The following PTPN14 variants were observed in gnomAD, a reference collection of about 807,000 sequenced individuals.
PTPN14 encodes tyrosine-protein phosphatase non-receptor type 14.
A neutral mutation model predicts 126.8 loss-of-function variants in PTPN14; 53 were observed. The observed-to-expected ratio is 0.42, with a 90% confidence interval of 0.34 to 0.53. PTPN14 has a LOEUF of 0.53. Ranked by LOEUF, PTPN14 falls within the 20% of genes least tolerant of loss-of-function variation. The pLI is 0.08. For synonymous variants in PTPN14, 630 were observed against 599.3 expected, an observed-to-expected ratio of 1.05 and a Z score of -0.75; for missense variants, 1,257 against 1,552.9, an observed-to-expected ratio of 0.81 and a Z score of 3.20.
In PTPN14 at chr1:214,464,762, G is replaced by A. The variant is rs777898414; in HGVS notation, c.42C>T (p.Asn14=). The change falls in exon 2 of 19, where the codon AAC becomes AAT. Residue 14 remains asparagine, a synonymous_variant. Coordinates refer to ENST00000366956, the MANE Select transcript of PTPN14 (RefSeq NM_005401.5). ...GLKLRRTRRY[N]VLSKNCFVTR... is the part of the protein sequence containing the mutation. ...TGACAAAGCAGTTCTTGCTCAGGAC[G>A]TTGTAGCGCCGTGTCCGGCGGAGCT... The A allele has an allele frequency of 7.4e-6, 12 of 1,614,182 alleles. No homozygotes were observed. Among genetic ancestry groups the A allele is most frequent in the Middle Eastern group, 1.6e-4 (1 of 6,084 alleles).
intron 1 of PTPN14, among the ~76,000 whole-genome samples, chr1:214,473,307 GAA>G (rs1660801340): frequency 6.6e-6 from 1 of 152,204 alleles, no homozygotes. Context: ...CCTCTTTATT[GAA>G]TTACCAGCAC....
chr1:214,479,087 T>G (rs969774948), intron 1 of PTPN14, among the ~76,000 whole-genome samples: 5 of 151,910 alleles, frequency 3.3e-5, no homozygotes, highest in African/African-American at 1.2e-4. Context: ...GGCTCATGCC[T>G]GTAATCTTGG....
At chr1:214,495,305 A>G (rs1190355408) in intron 1 of PTPN14, among the ~76,000 whole-genome samples, 3 of 152,238 alleles carry the variant, frequency 2.0e-5, no homozygotes, top group Non-Finnish European at 4.4e-5. Context: ...GATAATGTAT[A>G]TAAAGCACTA....
intron 17 of PTPN14, 81 bp downstream of exon 17, chr1:214,369,376 C>G (rs1459318786): frequency 2.9e-5 from 38 of 1,333,188 alleles, no homozygotes; most frequent in Non-Finnish European, 3.7e-5. Flanking sequence ...TCCTCTTTTT[C>G]CATTTCATCT....
At chr1:214,520,326 T>C (rs1481843276) in intron 1 of PTPN14, among the ~76,000 whole-genome samples, 1 of 151,988 alleles carries the variant, frequency 6.6e-6, no homozygotes, top group Non-Finnish European at 1.5e-5. Context: ...ACAATAAAAA[T>C]GACGAAACTG....
chr1:214,426,063 GGAA>G (rs1190049012), intron 3 of PTPN14, among the ~76,000 whole-genome samples: 1 of 137,114 alleles, frequency 7.3e-6, no homozygotes, highest in Non-Finnish European at 1.6e-5. Flanking sequence ...AAAAAAGGAA[GGAA>G]GAAGAGAAAA....
At chr1:214,421,929 C>T (rs1352807001) in intron 3 of PTPN14, among the ~76,000 whole-genome samples, 3 of 152,124 alleles carry the variant, frequency 2.0e-5, no homozygotes, top group Non-Finnish European at 4.4e-5. Flanking sequence ...CTTTCACATC[C>T]GCCACTATAC....
At chr1:214,424,975 T>C (rs1461799386) in intron 3 of PTPN14, among the ~76,000 whole-genome samples, 2 of 152,066 alleles carry the variant, frequency 1.3e-5, no homozygotes, top group Non-Finnish European at 2.9e-5. Context: ...GTTTTTTTTT[T>C]AGTAGAGGCA....
At chr1:214,374,943 T>C (rs1431991658) in intron 15 of PTPN14, among the ~76,000 whole-genome samples, 1 of 152,230 alleles carries the variant, frequency 6.6e-6, no homozygotes, top group Non-Finnish European at 1.5e-5. Context: ...TGCATCTTTG[T>C]TGGAATACAT....
At chr1:214,471,901 C>T (rs1660768040) in intron 1 of PTPN14, among the ~76,000 whole-genome samples, 3 of 152,058 alleles carry the variant, frequency 2.0e-5, no homozygotes, top group African/African-American at 7.2e-5. Flanking sequence ...CTTTTTTTCC[C>T]CAGGGGAAAT....
chr1:214,355,474 TTA>T lies in PTPN14; in HGVS notation c.*2446_*2447del, dbSNP rs1282784499. 6.6e-6 allele frequency: 1 copy of T among 152,254 alleles called. No homozygotes were observed. The highest frequency in any genetic ancestry group is 1.5e-5 in the Non-Finnish European group (1 of 68,042). 9.4% of individuals were successfully genotyped at this position (152,254 alleles called of 1,614,324 possible). On this transcript the variant is annotated 3_prime_UTR_variant, in exon 19 of 19. Coordinates refer to ENST00000366956, the MANE Select transcript of PTPN14 (RefSeq NM_005401.5). ...GGAAAGGAAACAAGTATCTTTTTGC[TTA>T]TTGATGAGCTTCTTATAATAAGGGT...
intron 13 of PTPN14, among the ~76,000 whole-genome samples, chr1:214,379,418 T>A (rs1658421912): frequency 6.6e-6 from 1 of 152,114 alleles, no homozygotes. Flanking sequence ...TCACCTACAA[T>A]CAGAATGAAG....
intron 1 of PTPN14, among the ~76,000 whole-genome samples, chr1:214,511,103 A>G (rs540995824): frequency 5.1e-4 from 77 of 151,702 alleles, no homozygotes; most frequent in Middle Eastern, 6.8e-3. Context: ...GCCCAAGCTG[A>G]TCTCAAACTC....
chr1:214,488,855 C>T (rs934160860), intron 1 of PTPN14, among the ~76,000 whole-genome samples: 3 of 152,216 alleles, frequency 2.0e-5, no homozygotes, highest in African/African-American at 7.2e-5. Flanking sequence ...CCATCACAAG[C>T]ACAGACATCA....
chr1:214,516,075 ACACCTC>A (rs1336800998), intron 1 of PTPN14, among the ~76,000 whole-genome samples: 1 of 152,202 alleles, frequency 6.6e-6, no homozygotes, highest in Non-Finnish European at 1.5e-5. Flanking sequence ...AGCAGGAAGT[ACACCTC>A]CACCTCACCC....
chr1:214,546,150 A>C (rs1417210410), intron 1 of PTPN14, among the ~76,000 whole-genome samples: 1 of 152,186 alleles, frequency 6.6e-6, no homozygotes, highest in Admixed American at 6.5e-5. Flanking sequence ...GTGCTTCTCA[A>C]AATGCAGTTG....
rs1571945181 is a variant in PTPN14 at position 214,354,279 on chromosome 1, A to T, written c.*3643T>A. 2.0e-5 allele frequency: 3 copies of T among 152,298 alleles called. No individual in the cohort carries two copies. The highest frequency in any genetic ancestry group is 2.0e-4 in the Admixed American group (3 of 15,300). The allele number at this position is 152,298 out of a possible 1,614,324, so 9.4% of individuals were successfully genotyped here. ...AATTCTCTCAATTTAAGCTCCTCAAAAGCTTACGATTCAAAATATTCCACA... is the reference window on the plus strand; with the variant it reads ...AATTCTCTCAATTTAAGCTCCTCAATAGCTTACGATTCAAAATATTCCACA... On this transcript the variant is annotated 3_prime_UTR_variant, in exon 19 of 19. Transcript: ENST00000366956.
At chr1:214,479,939 A>G (rs1394501929) in intron 1 of PTPN14, among the ~76,000 whole-genome samples, 2 of 152,194 alleles carry the variant, frequency 1.3e-5, no homozygotes, top group Non-Finnish European at 2.9e-5. Context: ...CTGAGATTGT[A>G]CCATCTTATT....
At chr1:214,464,158 G>A (rs1660572348) in intron 2 of PTPN14, among the ~76,000 whole-genome samples, 1 of 139,474 alleles carries the variant, frequency 7.2e-6, no homozygotes, top group East Asian at 2.1e-4. Flanking sequence ...CACTCTAAAT[G>A]CTTTTTCTCT....
Sources: gnomAD v4.1 joint callset for allele counts (sites outside exome capture counted in the v4.1 genomes callset) on GRCh38, gnomAD v4.1.1 for gene constraint, MANE v1.5 for transcripts, NCBI Gene and HGNC (gene_info 2026-07-23, HGNC 2026-07-21) for gene names.